Variants in THSD7B observed in about 807,000 individuals in gnomAD.
THSD7B encodes thrombospondin type-1 domain-containing protein 7B.
THSD7B carries 138 observed loss-of-function variants against 213.6 expected under a neutral mutation model. The observed-to-expected ratio is 0.65, with a 90% CI of 0.56 to 0.74. The LOEUF (loss-of-function observed/expected upper bound fraction) is 0.74. Ranked by LOEUF, THSD7B falls within the 30% of genes least tolerant of loss-of-function variation. THSD7B has a pLI of 0.00. For missense variants in THSD7B, 1,931 were observed against 1,991.5 expected, an observed-to-expected ratio of 0.97 and a Z score of 0.58; for synonymous variants, 742 against 687.0, an observed-to-expected ratio of 1.08 and a Z score of -1.25.
intron 17 of THSD7B, among the ~76,000 whole-genome samples, chr2:137,596,748 T>C (rs1189266478): frequency 6.6e-6 from 1 of 151,536 alleles, no homozygotes; most frequent in Non-Finnish European, 1.5e-5. Flanking sequence ...CTCTTGCACC[T>C]CCTCCTTTCT....
At chr2:137,487,064 T>A (rs1377470100) in intron 15 of THSD7B, among the ~76,000 whole-genome samples, 1 of 150,414 alleles carries the variant, frequency 6.6e-6, no homozygotes, top group Non-Finnish European at 1.5e-5. Flanking sequence ...ATTGACACCC[T>A]AACATCACAA....
At position 137,450,803 on chromosome 2, in the gene THSD7B, C is replaced by G. The variant is rs56974682; in HGVS notation, c.2960-42C>G. On this transcript the variant is annotated intron_variant, in intron 14 of 27. Coordinates refer to ENST00000409968, the MANE Select transcript of THSD7B (RefSeq NM_001316349.2). ...AAATAGAAAGTGAATTTGATCAGTA[C>G]ATTTTAATCAGACTTTCTTCTCTTA... 2,366 of 1,432,276 alleles carry G rather than the reference C, an allele frequency of 1.7e-3. 50 individuals are homozygous for G. The African/African-American group carries it at 0.031, about 19-fold the overall frequency. The allele number at this position is 1,432,276 out of a possible 1,614,324, so 88.7% of individuals were successfully genotyped here.
intron 13 of THSD7B, among the ~76,000 whole-genome samples, chr2:137,408,183 T>C (rs905624413): frequency 6.6e-6 from 1 of 152,080 alleles, no homozygotes; most frequent in Non-Finnish European, 1.5e-5. Flanking sequence ...GCTATATAAT[T>C]AAGAAGGATA....
chr2:137,017,510 A>C (rs180989230), intron 2 of THSD7B, among the ~76,000 whole-genome samples: 2 of 152,252 alleles, frequency 1.3e-5, no homozygotes, highest in African/African-American at 4.8e-5. Context: ...CTGGTTTATA[A>C]GGTATCATAG....
chr2:137,183,830 G>T (rs964256594), intron 7 of THSD7B, among the ~76,000 whole-genome samples: 8 of 152,014 alleles, frequency 5.3e-5, no homozygotes, highest in Non-Finnish European at 8.8e-5. Flanking sequence ...GTGAAAAATG[G>T]CTCATTGTCA....
At position 137,589,846 on chromosome 2, in the gene THSD7B, G is replaced by A. The variant is rs558357177; in HGVS notation, c.3423+17290G>A. ...GGACATCCTTGCATTCCTGATTCAC[G>A]CAGCAATGCCAAGTGCTTCACAATT... On this transcript the variant is annotated intron_variant, in intron 17 of 27. Coordinates refer to ENST00000409968, the MANE Select transcript of THSD7B (RefSeq NM_001316349.2). Among the ~76,000 whole-genome samples the A allele has an allele frequency of 3.3e-5, 5 of 152,176 alleles. No homozygotes were observed. In the East Asian group the frequency reaches 5.8e-4, roughly 18 times the overall value.
chr2:136,820,319 G>C (rs1404962161), intron 1 of THSD7B, among the ~76,000 whole-genome samples: 1 of 152,178 alleles, frequency 6.6e-6, no homozygotes, highest in African/African-American at 2.4e-5. Flanking sequence ...CTTACTCAGT[G>C]GAATAACCTG....
intron 12 of THSD7B, among the ~76,000 whole-genome samples, chr2:137,282,702 A>T (rs1447247528): frequency 6.6e-6 from 1 of 152,164 alleles, no homozygotes; most frequent in African/African-American, 2.4e-5. Context: ...TTTGTCAAAG[A>T]TCAGATAGTT....
chr2:137,591,856 TTCTG>T (rs1419692306), intron 17 of THSD7B, among the ~76,000 whole-genome samples: 4 of 151,908 alleles, frequency 2.6e-5, no homozygotes, highest in African/African-American at 9.7e-5. Flanking sequence ...TGGGATTTTA[TTCTG>T]TCTAACAGTT....
intron 15 of THSD7B, among the ~76,000 whole-genome samples, chr2:137,560,644 T>C (rs1012439541): frequency 3.3e-5 from 5 of 152,050 alleles, no homozygotes; most frequent in African/African-American, 1.2e-4. Flanking sequence ...CACACCAACA[T>C]GGCACATGTA....
intron 1 of THSD7B, among the ~76,000 whole-genome samples, chr2:136,870,137 G>T (rs1683408866): frequency 6.6e-6 from 1 of 151,528 alleles, no homozygotes; most frequent in South Asian, 2.1e-4. Context: ...ATAGTTCTGT[G>T]TGTTGGGTAA....
intron 5 of THSD7B, among the ~76,000 whole-genome samples, chr2:137,139,700 G>T (rs1679544369): frequency 1.3e-5 from 2 of 152,092 alleles, no homozygotes; most frequent in African/African-American, 2.4e-5. Context: ...CCTTTTGATT[G>T]ATGTAGATAT....
intron 5 of THSD7B, among the ~76,000 whole-genome samples, chr2:137,138,389 A>G (rs961201880): frequency 4.6e-5 from 7 of 152,128 alleles, no homozygotes; most frequent in African/African-American, 1.4e-4. Flanking sequence ...TATTCCTAAC[A>G]GCTTTTGGTG....
intron 2 of THSD7B, among the ~76,000 whole-genome samples, chr2:137,032,391 C>A (rs796607079): frequency 6.6e-5 from 10 of 152,276 alleles, no homozygotes; most frequent in African/African-American, 2.2e-4. Flanking sequence ...TACTTGCAAC[C>A]AGTACTGTAC....
At chr2:137,391,611 C>A (rs973908107) in intron 12 of THSD7B, among the ~76,000 whole-genome samples, 6 of 151,034 alleles carry the variant, frequency 4.0e-5, no homozygotes, top group Non-Finnish European at 8.8e-5. Context: ...CACTTGAACC[C>A]AGGAGGCGGA....
At chr2:137,610,702 A>G (rs372351623) in intron 17 of THSD7B, among the ~76,000 whole-genome samples, 56 of 152,240 alleles carry the variant, frequency 3.7e-4, no homozygotes, top group African/African-American at 1.1e-3. Context: ...ACCCATTTCT[A>G]TGGGAAGAGA....
At chr2:137,079,248 A>T (rs1687694001) in intron 3 of THSD7B, among the ~76,000 whole-genome samples, 1 of 152,118 alleles carries the variant, frequency 6.6e-6, no homozygotes, top group Non-Finnish European at 1.5e-5. Flanking sequence ...ATATGTACTT[A>T]ATTGATTATA....
intron 15 of THSD7B, among the ~76,000 whole-genome samples, chr2:137,472,021 A>G (rs1688102903): frequency 6.6e-6 from 1 of 152,180 alleles, no homozygotes; most frequent in African/African-American, 2.4e-5. Context: ...TAGTTCTTAG[A>G]TGGAAATTAT....
At chr2:137,014,693 G>A (rs891812) in intron 2 of THSD7B, among the ~76,000 whole-genome samples, 106,379 of 152,022 alleles carry the variant, frequency 0.7, 38,524 homozygotes, top group South Asian at 0.85. Context: ...ACCAGCTTCC[G>A]TGACTCCAAC....
Sources: allele counts gnomAD v4.1 joint callset (sites outside exome capture counted in the v4.1 genomes callset), GRCh38; gene constraint gnomAD v4.1.1; transcripts MANE v1.5; gene names NCBI Gene and HGNC (gene_info 2026-07-23, HGNC 2026-07-21).